Variants in SYNPR observed in about 807,000 individuals in gnomAD.
SYNPR encodes the protein synaptoporin.
Under a neutral mutation model 32.9 loss-of-function variants are expected in SYNPR, and 23 were observed. That is an observed-to-expected ratio of 0.70 (90% confidence interval 0.50 to 0.99). The LOEUF is 0.99. Among genes scored for constraint, SYNPR ranks in the 50% least tolerant of loss-of-function variants. SYNPR has a pLI of 0.00. For missense variants in SYNPR, 318 were observed against 349.3 expected (o/e 0.91, Z 0.71); for synonymous variants, 146 against 135.9 (o/e 1.07, Z -0.52).
At chr3:63,515,210 G>A (rs17397601) in intron 3 of SYNPR, among the ~76,000 whole-genome samples, 3,640 of 151,840 alleles carry the variant, frequency 0.024, 54 homozygotes, top group Non-Finnish European at 0.03. Flanking sequence ...AAACATCTGC[G>A]AGCTTATGAT....
At chr3:63,614,508 T>C (rs1482049799) in intron 5 of SYNPR, among the ~76,000 whole-genome samples, 4 of 152,226 alleles carry the variant, frequency 2.6e-5, no homozygotes, top group Non-Finnish European at 5.9e-5. Context: ...TATACTTCTC[T>C]GAAACCTGCA....
At chr3:63,282,331 G>T (rs997205512) in intron 2 of SYNPR, among the ~76,000 whole-genome samples, 5 of 152,042 alleles carry the variant, frequency 3.3e-5, no homozygotes, top group African/African-American at 1.2e-4. Context: ...AAATCAGAAG[G>T]CTATATTATT....
At chr3:63,306,118 G>A (rs1268394662) in intron 2 of SYNPR, among the ~76,000 whole-genome samples, 2 of 151,766 alleles carry the variant, frequency 1.3e-5, no homozygotes, top group Non-Finnish European at 2.9e-5. Context: ...TTTCTTTTAC[G>A]GCATCTTATA....
chr3:63,460,813 G>A (rs1185919671), intron 2 of SYNPR, among the ~76,000 whole-genome samples: 1 of 152,072 alleles, frequency 6.6e-6, no homozygotes, highest in East Asian at 1.9e-4. Context: ...TGGAAAGACA[G>A]CCCTTGTGGC....
intron 3 of SYNPR, among the ~76,000 whole-genome samples, chr3:63,271,375 A>C (rs1347409656): frequency 2.6e-5 from 4 of 152,116 alleles, no homozygotes; most frequent in Non-Finnish European, 5.9e-5. Flanking sequence ...CTTTTCTTAA[A>C]GGTTTAGGTT....
At chr3:63,513,761 A>G (rs1411329149) in intron 3 of SYNPR, among the ~76,000 whole-genome samples, 1 of 152,138 alleles carries the variant, frequency 6.6e-6, no homozygotes. Context: ...TGAGTAAATA[A>G]TCAAATGAAT....
At chr3:63,400,337 A>C (rs1188322773) in intron 2 of SYNPR, among the ~76,000 whole-genome samples, 1 of 152,182 alleles carries the variant, frequency 6.6e-6, no homozygotes. Flanking sequence ...CTTAGCTGGG[A>C]GGGTCTAATA....
intron 2 of SYNPR, among the ~76,000 whole-genome samples, chr3:63,431,026 C>T (rs998709744): frequency 5.9e-5 from 9 of 152,168 alleles, no homozygotes; most frequent in Non-Finnish European, 1.3e-4. Flanking sequence ...GAGATATGGG[C>T]ATTTGCTTCT....
intron 4 of SYNPR, among the ~76,000 whole-genome samples, chr3:63,602,527 G>T (rs1314994621): frequency 6.6e-6 from 1 of 152,088 alleles, no homozygotes; most frequent in Non-Finnish European, 1.5e-5. Context: ...TTTGTATATG[G>T]TGTAAGAAAA....
At chr3:63,392,917 G>A (rs920126665) in intron 2 of SYNPR, among the ~76,000 whole-genome samples, 2 of 151,956 alleles carry the variant, frequency 1.3e-5, no homozygotes, top group African/African-American at 2.4e-5. Context: ...CCTTCCTCAG[G>A]GGCAAGGAAC....
chr3:63,270,151 A>C (rs1286059232), intron 3 of SYNPR, among the ~76,000 whole-genome samples: 1 of 152,144 alleles, frequency 6.6e-6, no homozygotes, highest in East Asian at 1.9e-4. Context: ...GGATAGTCTA[A>C]AGTACTCTCG....
rs140905455 is a variant in SYNPR, at chr3:63,598,495, A to T, written c.409-10630A>T. Among the ~76,000 whole-genome samples, 351 of 152,358 alleles carry T rather than the reference A, an allele frequency of 2.3e-3. 1 individual carries two copies. The highest frequency in any genetic ancestry group is 7.9e-3 in the African/African-American group (329 of 41,580). On this transcript the variant is annotated intron_variant, in intron 4 of 5. Transcript: ENST00000478300. Reference sequence around the variant, plus strand: ...TTCTTGGTTCACTGAACAGATACTTAAAACATATTGCAGAAACACATCCAG... The same window carrying T: ...TTCTTGGTTCACTGAACAGATACTTTAAACATATTGCAGAAACACATCCAG...
intron 2 of SYNPR, among the ~76,000 whole-genome samples, chr3:63,297,062 A>G (rs1035953448): frequency 6.6e-6 from 1 of 152,248 alleles, no homozygotes; most frequent in Non-Finnish European, 1.5e-5. Context: ...AATATTGGAC[A>G]GCAAAAGTGT....
chr3:63,324,523 A>G (rs998173054), intron 2 of SYNPR, among the ~76,000 whole-genome samples: 4 of 152,080 alleles, frequency 2.6e-5, no homozygotes, highest in African/African-American at 9.7e-5. Flanking sequence ...GAACAGAGGG[A>G]CCAATTATGG....
At chr3:63,596,746 C>T (rs182130966) in intron 4 of SYNPR, among the ~76,000 whole-genome samples, 7 of 152,232 alleles carry the variant, frequency 4.6e-5, no homozygotes, top group African/African-American at 1.7e-4. Flanking sequence ...TGGACCATCT[C>T]AGACCAAACT....
chr3:63,363,084 T>C (rs2087682687), intron 2 of SYNPR, among the ~76,000 whole-genome samples: 1 of 152,208 alleles, frequency 6.6e-6, no homozygotes, highest in Admixed American at 6.5e-5. Context: ...TTTTGTACCA[T>C]TTAGAATAAT....
chr3:63,218,978 C>T, the SYNPR span, among the ~76,000 whole-genome samples: 201 of 152,174 alleles, frequency 1.3e-3, no homozygotes, highest in African/African-American at 4.6e-3. Flanking sequence ...AGACATGATC[C>T]CTGCTCTTAC....
chr3:63,461,043 G>GT lies in SYNPR; in HGVS notation c.85-19779dup, dbSNP rs553692255. Among the ~76,000 whole-genome samples, 82 of 148,440 alleles carry GT rather than the reference G, an allele frequency of 5.5e-4. No individual in the cohort carries two copies. In the South Asian group the frequency reaches 7.3e-3, roughly 13 times the overall value. ...GACATGCAGGATGACTCTCAGGTTT[G>GT]TTTTTTTTTTACTTTGGGAGGTACC... is the stretch of plus-strand genomic sequence containing the variant. On this transcript the variant is annotated intron_variant, in intron 2 of 5. Coordinates refer to ENST00000478300, the MANE Select transcript of SYNPR (RefSeq NM_001130003.2).
chr3:63,514,678 A>G (rs973256873), intron 3 of SYNPR, among the ~76,000 whole-genome samples: 4 of 152,168 alleles, frequency 2.6e-5, no homozygotes, highest in African/African-American at 9.7e-5. Flanking sequence ...AATAAAGTGA[A>G]GAAACAGACC....
Sources: gnomAD v4.1 joint callset for allele counts (sites outside exome capture counted in the v4.1 genomes callset) on GRCh38, gnomAD v4.1.1 for gene constraint, MANE v1.5 for transcripts, NCBI Gene and HGNC (gene_info 2026-07-23, HGNC 2026-07-21) for gene names.